The following ZNF148 variants were observed in gnomAD, a reference collection of about 807,000 sequenced individuals.
The protein encoded by ZNF148 is Beta-Enolase Repressor Factor-1.
ZNF148 carries 7 observed loss-of-function variants against 67.7 expected under a neutral mutation model. That is an observed-to-expected ratio of 0.10 (90% CI 0.06 to 0.19). ZNF148 has a LOEUF of 0.19. Ranked by LOEUF, ZNF148 falls within the 10% of genes least tolerant of loss-of-function variation. The probability of loss-of-function intolerance (pLI) is 1.00; values close to 1 mark genes in which losing one functional copy is unlikely to be tolerated. For missense variants in ZNF148, 583 were observed against 947.1 expected, an observed-to-expected ratio of 0.62 and a Z score of 5.05; for synonymous variants, 333 against 330.7, an observed-to-expected ratio of 1.01 and a Z score of -0.08.
At chr3:125,236,310 T>C (rs1048717356) in intron 7 of ZNF148, among the ~76,000 whole-genome samples, 1 of 152,164 alleles carries the variant, frequency 6.6e-6, no homozygotes, top group Non-Finnish European at 1.5e-5. Flanking sequence ...ATCCTCCTCC[T>C]GCCTTGCCCT....
intron 2 of ZNF148, among the ~76,000 whole-genome samples, chr3:125,326,518 T>C (rs1265448626): frequency 1.3e-5 from 2 of 150,946 alleles, no homozygotes; most frequent in African/African-American, 2.4e-5. Flanking sequence ...GTAATTAAAA[T>C]GGCACACTAA....
At position 125,313,532 on chromosome 3, in the gene ZNF148, T is replaced by G; in HGVS notation, c.109A>C (p.Thr37Pro). The G allele has an allele frequency of 6.2e-7, 1 of 1,614,128 alleles. No individual in the cohort carries two copies. Among genetic ancestry groups the G allele is most frequent in the Non-Finnish European group, 8.5e-7 (1 of 1,179,994 alleles). Reference sequence around the variant, plus strand: ...GAATCCTGTAGCTCTCCAGACACAGTAGACTGGCCAGACACTCCACCCATT... The same window carrying G: ...GAATCCTGTAGCTCTCCAGACACAGGAGACTGGCCAGACACTCCACCCATT... ...VVMGGVSGQS[T>P]VSGELQDSVL... is the part of the protein sequence containing the mutation. Residue 37 changes from threonine to proline, a missense_variant, in exon 4 of 9, where the codon ACT becomes CCT. Thr to Pro is a conservative substitution (Grantham distance 38). Around this residue, in one of 5 missense-constraint regions of ZNF148, gnomAD observed 150 missense variants for 202.5 expected, o/e 0.74. Coordinates refer to ENST00000360647, the MANE Select transcript of ZNF148 (RefSeq NM_021964.3).
intron 4 of ZNF148, among the ~76,000 whole-genome samples, chr3:125,306,261 G>C (rs961404182): frequency 6.6e-6 from 1 of 151,972 alleles, no homozygotes; most frequent in Non-Finnish European, 1.5e-5. Context: ...GATAAGAAGA[G>C]CAAATGAAAA....
intron 7 of ZNF148, among the ~76,000 whole-genome samples, chr3:125,242,147 A>G (rs1936393354): frequency 6.6e-6 from 1 of 152,034 alleles, no homozygotes; most frequent in African/African-American, 2.4e-5. Flanking sequence ...CCTGCCCTTG[A>G]ATGGTAGGGG....
chr3:125,313,103 C>A (rs574355018), intron 4 of ZNF148, among the ~76,000 whole-genome samples: 15 of 152,184 alleles, frequency 9.9e-5, no homozygotes, highest in Non-Finnish European at 1.2e-4. Flanking sequence ...ATATTGTTAT[C>A]CTGAAAGAAA....
intron 4 of ZNF148, among the ~76,000 whole-genome samples, chr3:125,310,208 T>G (rs375357698): frequency 6.6e-6 from 1 of 151,288 alleles, no homozygotes; most frequent in African/African-American, 2.4e-5. Context: ...GCCTCCCACA[T>G]AGCTGGGATT....
At chr3:125,307,811 A>AT (rs34469920) in intron 4 of ZNF148, among the ~76,000 whole-genome samples, 270 of 127,282 alleles carry the variant, frequency 2.1e-3, no homozygotes, top group East Asian at 7.8e-3. Flanking sequence ...TGCCCAGATA[A>AT]TTTTTTTTTT....
intron 2 of ZNF148, among the ~76,000 whole-genome samples, chr3:125,327,398 G>A (rs955772372): frequency 1.3e-5 from 2 of 152,138 alleles, no homozygotes; most frequent in African/African-American, 4.8e-5. Flanking sequence ...CTATACCTAA[G>A]TGGCATATAT....
At chr3:125,258,465 T>C (rs1256547498) in intron 7 of ZNF148, among the ~76,000 whole-genome samples, 1 of 147,328 alleles carries the variant, frequency 6.8e-6, no homozygotes, top group African/African-American at 2.5e-5. Context: ...CATCTTCCTA[T>C]GTTACCCAGG....
intron 4 of ZNF148, chr3:125,292,548 C>A (rs1241738584): frequency 2.6e-5 from 4 of 152,176 alleles, no homozygotes; most frequent in Non-Finnish European, 5.9e-5. Context: ...AAGTTCTCTC[C>A]TTTTCTTCAT....
At chr3:125,336,219 AT>A (rs1436142559) in intron 1 of ZNF148, among the ~76,000 whole-genome samples, 6 of 152,246 alleles carry the variant, frequency 3.9e-5, no homozygotes, top group Non-Finnish European at 2.9e-5. Flanking sequence ...GCCCAAAGCA[AT>A]GAAAGGATAA....
chr3:125,287,324 T>G (rs970901750), intron 5 of ZNF148, among the ~76,000 whole-genome samples: 1 of 152,174 alleles, frequency 6.6e-6, no homozygotes, highest in African/African-American at 2.4e-5. Flanking sequence ...GCTGTATACA[T>G]TCAGCTATCA....
chr3:125,273,833 T>C (rs1937897247), intron 7 of ZNF148, among the ~76,000 whole-genome samples: 1 of 152,204 alleles, frequency 6.6e-6, no homozygotes, highest in South Asian at 2.1e-4. Flanking sequence ...GTAACATTTT[T>C]ACTAATTGAA....
intron 7 of ZNF148, among the ~76,000 whole-genome samples, chr3:125,245,924 C>A (rs1405373717): frequency 6.6e-6 from 1 of 152,198 alleles, no homozygotes; most frequent in Non-Finnish European, 1.5e-5. Flanking sequence ...GTCCTCTATT[C>A]TTCTGGCCCC....
At chr3:125,288,382 G>T (rs927760199) in intron 4 of ZNF148, among the ~76,000 whole-genome samples, 154 bp from the exon 5 acceptor site, 7 of 151,910 alleles carry the variant, frequency 4.6e-5, no homozygotes, top group African/African-American at 1.7e-4. Context: ...CAGTGCTATA[G>T]AATTCATTAA....
chr3:125,272,891 T>C (rs1271548406), intron 7 of ZNF148, among the ~76,000 whole-genome samples: 1 of 152,224 alleles, frequency 6.6e-6, no homozygotes, highest in Non-Finnish European at 1.5e-5. Flanking sequence ...GCTCTGTCCA[T>C]GCCAGTGCAG....
At chr3:125,339,786 T>C (rs1322318279) in intron 1 of ZNF148, among the ~76,000 whole-genome samples, 2 of 152,194 alleles carry the variant, frequency 1.3e-5, no homozygotes, top group Non-Finnish European at 2.9e-5. Context: ...ACACCTACTA[T>C]GTACCTACAA....
At chr3:125,370,969 C>T (rs1250993481) in intron 1 of ZNF148, among the ~76,000 whole-genome samples, 2 of 152,152 alleles carry the variant, frequency 1.3e-5, no homozygotes, top group African/African-American at 2.4e-5. Context: ...TCATCCTCAT[C>T]CTCCTCTTAC....
At chr3:125,335,087 T>C (rs370646266) in intron 1 of ZNF148, among the ~76,000 whole-genome samples, 1 of 151,844 alleles carries the variant, frequency 6.6e-6, no homozygotes, top group Non-Finnish European at 1.5e-5. Flanking sequence ...CCCCCTTTTA[T>C]TGTTATACAT....
Sources: gnomAD v4.1 joint callset for allele counts (sites outside exome capture counted in the v4.1 genomes callset) on GRCh38, gnomAD v4.1.1 for gene constraint, gnomAD v4.1.1 regional missense constraint, MANE v1.5 for transcripts, NCBI Gene and HGNC (gene_info 2026-07-23, HGNC 2026-07-21) for gene names.